The following EIF3B variants were observed in gnomAD, a reference collection of about 807,000 sequenced individuals.
EIF3B encodes the protein eukaryotic translation initiation factor 3 subunit 9.
In EIF3B, 10 loss-of-function variants were observed where a neutral mutation model predicts 104.6. The ratio of observed to expected loss-of-function variants is 0.10; its 90% CI spans 0.06 to 0.16. The LOEUF (loss-of-function observed/expected upper bound fraction) is 0.16. Ranked by LOEUF, EIF3B falls within the 10% of genes least tolerant of loss-of-function variation. The pLI is 1.00. For missense variants in EIF3B, 1,014 were observed against 1,087.9 expected (o/e 0.93, Z 0.96); for synonymous variants, 542 against 417.2 (o/e 1.30, Z -3.65).
intron 6 of EIF3B, 39 bp from the exon 7 acceptor site, chr7:2,366,278 G>T: frequency 6.5e-7 from 1 of 1,541,064 alleles, no homozygotes; most frequent in Non-Finnish European, 8.7e-7. Flanking sequence ...ATCCTCTCGT[G>T]AGAGGAGGAT....
intron 1 of EIF3B, 114 bp from the exon 2 acceptor site, chr7:2,360,596 G>T: frequency 1.2e-6 from 1 of 852,258 alleles, no homozygotes; most frequent in African/African-American, 1.7e-5. Context: ...TGCTCACAGT[G>T]AAAGCATTTA....
rs575194535 is a variant in EIF3B at position 2,364,506 on chromosome 7, T to C, written c.1134T>C (p.Leu378=). 4 of 1,613,044 alleles carry C rather than the reference T, an allele frequency of 2.5e-6. No homozygotes were observed. The highest frequency in any genetic ancestry group is 1.7e-5 in the Admixed American group (1 of 59,814). ...IQRFSHQGVQ[L]IDFSPCERYL... ...GATTCAGCCACCAAGGGGTTCAGCT[T>C]ATTGACTTCTCACCTTGTGAAAGGT... The change falls in exon 6 of 19, where the codon CTT becomes CTC. Residue 378 remains leucine, a synonymous_variant. Transcript: ENST00000360876.
intron 1 of EIF3B, among the ~76,000 whole-genome samples, chr7:2,360,371 A>G (rs1779663127): frequency 6.6e-6 from 1 of 152,234 alleles, no homozygotes; most frequent in African/African-American, 2.4e-5. Context: ...TCTCTGGAAG[A>G]TCTAATAGTG....
At chr7:2,356,520 G>C (rs1779450726) in intron 1 of EIF3B, among the ~76,000 whole-genome samples, 1 of 150,920 alleles carries the variant, frequency 6.6e-6, no homozygotes, top group African/African-American at 2.4e-5. Context: ...GGAGAATGGT[G>C]TGAACCTGGG....
intron 16 of EIF3B, 80 bp from the exon 17 acceptor site, chr7:2,379,054 C>G (rs550438381): frequency 8.1e-7 from 1 of 1,232,272 alleles, no homozygotes; most frequent in East Asian, 2.4e-5. Context: ...CTTCTGGCAC[C>G]GTCCGCCTGG....
chr7:2,370,850 G>T (rs1488626637), intron 10 of EIF3B, among the ~76,000 whole-genome samples: 1 of 152,106 alleles, frequency 6.6e-6, no homozygotes, highest in Admixed American at 6.5e-5. Context: ...CTGAGGCGGG[G>T]CATCACAAGG....
rs767697558 is a variant in EIF3B, at chr7:2,363,021, C to CTT, written c.813-47_813-46dup. 104 of 1,604,396 alleles carry CTT rather than the reference C, an allele frequency of 6.5e-5. 2 individuals are homozygous for CTT. In the South Asian group the frequency reaches 1.1e-3, roughly 17 times the overall value. ...CATGCTGGAGCCCCCACGAGTTGCTCTTTCTAGTCGTCAGGGCGTGGGGCT... is the reference window on the plus strand; with the variant it reads ...CATGCTGGAGCCCCCACGAGTTGCTCTTTTTCTAGTCGTCAGGGCGTGGGGCT... On this transcript the variant is annotated intron_variant, in intron 3 of 18. Coordinates refer to ENST00000360876, the MANE Select transcript of EIF3B (RefSeq NM_001037283.2).
intron 11 of EIF3B, 91 bp from the exon 12 acceptor site, chr7:2,372,582 C>G (rs563377825): frequency 2.0e-5 from 29 of 1,476,992 alleles, no homozygotes; most frequent in African/African-American, 1.7e-4. Flanking sequence ...GGGGATATTT[C>G]TCTGTGGTTG....
In EIF3B at chr7:2,362,735, C is replaced by G; in HGVS notation, c.783C>G (p.Phe261Leu). ...DGYKLDKQHT[F>L]RVNLFTDFDK... The stretch of plus-strand genomic sequence containing the variant: ...ACAAGCTTGACAAGCAGCACACATT[C>G]CGGGTCAACCTCTTTACGGATTTTG... Residue 261 changes from phenylalanine to leucine, a missense_variant, in exon 3 of 19, where the codon TTC becomes TTG. Coordinates refer to ENST00000360876, the MANE Select transcript of EIF3B (RefSeq NM_001037283.2). 4 of 1,614,192 alleles carry G rather than the reference C, an allele frequency of 2.5e-6. No homozygotes were observed. Among genetic ancestry groups the G allele is most frequent in the Non-Finnish European group, 2.5e-6 (3 of 1,180,040 alleles).
rs959333317 is a variant in EIF3B, at chr7:2,355,267, C to T, written c.346C>T (p.Arg116Cys). The part of the protein sequence containing the change: ...EAPGEQARDE[R>C]SDSRAQAVSE... ...CCCAGGAGAGCAGGCTCGGGACGAG[C>T]GCTCCGACAGCCGGGCCCAGGCGGT... Residue 116 changes from arginine to cysteine, a missense_variant, in exon 1 of 19, where the codon CGC (arginine) becomes TGC (cysteine). This residue lies in a region of EIF3B where 488 missense variants were observed against 404.3 expected (regional missense o/e 1.21). Transcript: ENST00000360876. The T allele has an allele frequency of 3.9e-6, 6 of 1,531,440 alleles. No individual in the cohort carries two copies. In the African/African-American group the frequency reaches 4.2e-5, roughly 11 times the overall value. 94.9% of individuals were successfully genotyped at this position (1,531,440 alleles called of 1,614,324 possible).
intron 6 of EIF3B, among the ~76,000 whole-genome samples, chr7:2,365,819 G>A (rs1316929537): frequency 6.6e-6 from 1 of 151,896 alleles, no homozygotes; most frequent in African/African-American, 2.4e-5. Flanking sequence ...GGGATTACAA[G>A]TGCCTGCCAC....
upstream of EIF3B, chr7:2,354,364 A>G (rs368241000): frequency 1.6e-4 from 24 of 152,052 alleles, no homozygotes; most frequent in Admixed American, 5.2e-4. Context: ...GACAGGGGGG[A>G]CTTTAGTAAC....
chr7:2,369,839 C>G (rs1216449448), intron 10 of EIF3B, among the ~76,000 whole-genome samples, 157 bp downstream of exon 10: 2 of 117,352 alleles, frequency 1.7e-5, no homozygotes, highest in East Asian at 5.6e-4. Context: ...TGCAGGAGTG[C>G]GATTTCGGCT....
At chr7:2,362,906 C>T in intron 3 of EIF3B, 142 bp downstream of exon 3, 3 of 1,435,168 alleles carry the variant, frequency 2.1e-6, no homozygotes, top group East Asian at 2.3e-5. Flanking sequence ...AGCCATTTCA[C>T]AGCCCTGCCC....
chr7:2,366,577 A>G lies in EIF3B; in HGVS notation c.1342A>G (p.Ile448Val). 1 of 1,614,210 alleles carries G rather than the reference A, an allele frequency of 6.2e-7. No homozygotes were observed. The highest frequency in any genetic ancestry group is 8.5e-7 in the Non-Finnish European group (1 of 1,180,044). ...FARMTLDTLSIYETPSMGLLD... is the reference protein window; with the variant it reads ...FARMTLDTLSVYETPSMGLLD... ...CAGAATGACCCTGGATACGCTTAGC[A>G]TCTATGAAACTCCTGTAAGTGGCCT... The change falls in exon 8 of 19, where the codon ATC becomes GTC. Residue 448 changes from isoleucine to valine, a missense_variant. This residue lies in a region of EIF3B where 201 missense variants were observed against 240.7 expected (regional missense o/e 0.83). Coordinates refer to ENST00000360876, the MANE Select transcript of EIF3B (RefSeq NM_001037283.2).
intron 1 of EIF3B, among the ~76,000 whole-genome samples, chr7:2,356,450 AAATT>A (rs1779445615): frequency 6.6e-6 from 1 of 152,022 alleles, no homozygotes; most frequent in South Asian, 2.1e-4. Context: ...AAATAAAAAA[AAATT>A]AGCCGGGCGT....
intron 13 of EIF3B, 31 bp from the exon 14 acceptor site, chr7:2,375,358 T>C (rs745709907): frequency 4.3e-6 from 7 of 1,612,762 alleles, no homozygotes; most frequent in Non-Finnish European, 5.9e-6. Context: ...TGCGTCTCCA[T>C]GAAGCCTGAC....
In EIF3B at chr7:2,366,484, G is replaced by T. The variant is rs370757117; in HGVS notation, c.1289+36G>T. 1.1e-5 allele frequency: 17 copies of T among 1,613,980 alleles called. No homozygotes were observed. The African/African-American group carries it at 2.3e-4, about 22-fold the overall frequency. ...CATTGTAACGAGCTCTGTAGCCTTT[G>T]TCTTTTCATGGGAATACCCTGGCAC... is the stretch of plus-strand genomic sequence containing the variant. On this transcript the variant is annotated intron_variant, in intron 7 of 18. Coordinates refer to ENST00000360876, the MANE Select transcript of EIF3B (RefSeq NM_001037283.2).
At chr7:2,365,763 C>T (rs1166187038) in intron 6 of EIF3B, among the ~76,000 whole-genome samples, 1 of 151,588 alleles carries the variant, frequency 6.6e-6, no homozygotes. Flanking sequence ...GCAACCTCCA[C>T]CTCCCGGGTT....
Sources: gnomAD v4.1 joint callset for allele counts (sites outside exome capture counted in the v4.1 genomes callset) on GRCh38, gnomAD v4.1.1 for gene constraint, gnomAD v4.1.1 regional missense constraint, MANE v1.5 for transcripts, NCBI Gene and HGNC (gene_info 2026-07-23, HGNC 2026-07-21) for gene names.